Variants in KIF1B observed in about 807,000 individuals in gnomAD.
The protein encoded by KIF1B is kinesin-like protein KIF1B.
A neutral mutation model predicts 241.9 loss-of-function variants in KIF1B; 76 were observed. The observed-to-expected ratio is 0.31, with a 90% CI of 0.26 to 0.38. The LOEUF is 0.38. Among genes scored for constraint, KIF1B ranks in the 10% least tolerant of loss-of-function variants. The probability of loss-of-function intolerance (pLI) is 1.00; values close to 1 mark genes in which losing one functional copy is unlikely to be tolerated. For synonymous variants in KIF1B, 750 were observed against 796.7 expected (o/e 0.94, Z 0.99); for missense variants, 1,622 against 2,271.4 (o/e 0.71, Z 5.81).
intron 22 of KIF1B, among the ~76,000 whole-genome samples, chr1:10,313,469 G>A (rs898130411): frequency 2.0e-5 from 3 of 151,080 alleles, no homozygotes; most frequent in Admixed American, 6.6e-5. Flanking sequence ...GGGTAGATAG[G>A]TAGGAGAGAA....
At chr1:10,239,690 C>T (rs989713151) in intron 2 of KIF1B, among the ~76,000 whole-genome samples, 3 of 152,074 alleles carry the variant, frequency 2.0e-5, no homozygotes, top group African/African-American at 7.2e-5. Flanking sequence ...TCACTGCAAC[C>T]TCTGCCTCCC....
At chr1:10,286,756 C>T (rs540450496) in intron 15 of KIF1B, among the ~76,000 whole-genome samples, 5 of 152,226 alleles carry the variant, frequency 3.3e-5, no homozygotes, top group Non-Finnish European at 5.9e-5. Context: ...ACAGATATGA[C>T]GTGAGACCAA....
At position 10,232,444 on chromosome 1, in the gene KIF1B, T is replaced by A. The variant is rs368714043; in HGVS notation, c.106+10T>A. The A allele has an allele frequency of 3.5e-5, 55 of 1,573,338 alleles. No individual in the cohort carries two copies. The African/African-American group carries it at 7.0e-4, about 20-fold the overall frequency. Reference sequence around the variant, plus strand: ...CAAGGCAACTCGACCAGTGAGTACATGTTGTTTTCTCTCAGCTGTGTATCT... The same window carrying A: ...CAAGGCAACTCGACCAGTGAGTACAAGTTGTTTTCTCTCAGCTGTGTATCT... On this transcript the variant is annotated intron_variant, in intron 2 of 48. Transcript: ENST00000676179.
At chr1:10,248,395 C>A (rs1252598972) in intron 2 of KIF1B, among the ~76,000 whole-genome samples, 1 of 152,038 alleles carries the variant, frequency 6.6e-6, no homozygotes, top group Non-Finnish European at 1.5e-5. Flanking sequence ...GAGATAAGAC[C>A]TCATTATGTT....
intron 44 of KIF1B, among the ~76,000 whole-genome samples, 192 bp from the exon 45 acceptor site, chr1:10,370,949 C>G (rs1638715161): frequency 6.6e-6 from 1 of 152,110 alleles, no homozygotes; most frequent in Admixed American, 6.6e-5. Context: ...GGCAATAGAG[C>G]AAGGCCTTGT....
chr1:10,308,939 T>C (rs1650952890), intron 22 of KIF1B, among the ~76,000 whole-genome samples: 1 of 152,194 alleles, frequency 6.6e-6, no homozygotes, highest in Admixed American at 6.5e-5. Context: ...ATACTCTTGG[T>C]TTGAAGTTCT....
At chr1:10,221,075 G>A (rs1646838954) in intron 1 of KIF1B, among the ~76,000 whole-genome samples, 3 of 146,174 alleles carry the variant, frequency 2.1e-5, no homozygotes, top group South Asian at 4.4e-4. Context: ...CTTGGATTGG[G>A]TTAGAATACA....
At chr1:10,268,300 G>T in intron 7 of KIF1B, 37 bp downstream of exon 7, 2 of 1,375,184 alleles carry the variant, frequency 1.5e-6, no homozygotes, top group Non-Finnish European at 2.1e-6. Flanking sequence ...GAGTTGTGAA[G>T]GATGGAGATT....
chr1:10,244,104 TAA>T (rs1290928221), intron 2 of KIF1B, among the ~76,000 whole-genome samples: 1 of 152,018 alleles, frequency 6.6e-6, no homozygotes, highest in Non-Finnish European at 1.5e-5. Context: ...CCCTGTTTTA[TAA>T]AAAAATGGGA....
At chr1:10,306,642 C>T in intron 22 of KIF1B, 1 of 624,400 alleles carries the variant, frequency 1.6e-6, no homozygotes. Flanking sequence ...GACGGGTGAA[C>T]CCAGCCCAGG....
intron 4 of KIF1B, among the ~76,000 whole-genome samples, chr1:10,260,335 C>T (rs1648059600): frequency 6.6e-6 from 1 of 152,118 alleles, no homozygotes; most frequent in African/African-American, 2.4e-5. Flanking sequence ...GCTTGCAGGG[C>T]TGGAAGTTGC....
intron 5 of KIF1B, among the ~76,000 whole-genome samples, chr1:10,266,365 G>GT (rs1385579274): frequency 6.6e-6 from 1 of 152,210 alleles, no homozygotes; most frequent in African/African-American, 2.4e-5. Context: ...TTAGATACAT[G>GT]TTTAATTGCC....
intron 2 of KIF1B, among the ~76,000 whole-genome samples, chr1:10,244,559 G>A (rs538380001): frequency 9.6e-4 from 145 of 150,846 alleles, no homozygotes; most frequent in Admixed American, 2.4e-3. Context: ...TGATCCGCCC[G>A]CCTCAGCCTC....
At chr1:10,250,680 G>T (rs1647386949) in intron 2 of KIF1B, among the ~76,000 whole-genome samples, 1 of 152,126 alleles carries the variant, frequency 6.6e-6, no homozygotes, top group Non-Finnish European at 1.5e-5. Flanking sequence ...TTAAAATTTG[G>T]CTTGGCATGG....
At chr1:10,292,999 T>C (rs1193575264) in intron 17 of KIF1B, among the ~76,000 whole-genome samples, 1 of 152,226 alleles carries the variant, frequency 6.6e-6, no homozygotes, top group Non-Finnish European at 1.5e-5. Context: ...TGGTGAGTTT[T>C]GAATTGGTAC....
Position 10,324,814 on chromosome 1 carries a change from G to A in KIF1B, c.2594G>A (p.Ser865Asn), listed in dbSNP as rs573774777. The change falls in exon 26 of 49, where the codon AGT becomes AAT. Residue 865 changes from serine (S) to asparagine (N), a missense_variant. By Grantham distance (46) the Ser-to-Asn change is conservative. Around this residue, in one of 7 missense-constraint regions of KIF1B, gnomAD observed 803 missense variants for 1,112.0 expected, o/e 0.72. Coordinates refer to ENST00000676179, the MANE Select transcript of KIF1B (RefSeq NM_001365951.3). ...GATAGGGCAGGGGAGATGGCCTCCA[G>A]TGCCCAAGACGAAAGCGAAACCACT... The part of the protein sequence containing the change: ...MYDRAGEMAS[S>N]AQDESETTVT... 58 of 1,614,078 alleles carry A rather than the reference G, an allele frequency of 3.6e-5. No homozygotes were observed. The South Asian group carries it at 5.6e-4, about 16-fold the overall frequency.
intron 27 of KIF1B, among the ~76,000 whole-genome samples, chr1:10,333,879 A>G (rs1652056853): frequency 6.7e-6 from 1 of 150,366 alleles, no homozygotes; most frequent in South Asian, 2.1e-4. Context: ...TCGCCTGGGC[A>G]CGGTGGCTCA....
At chr1:10,369,409 GC>G (rs1222294285) in intron 44 of KIF1B, among the ~76,000 whole-genome samples, 2 of 151,558 alleles carry the variant, frequency 1.3e-5, no homozygotes, top group Non-Finnish European at 2.9e-5. Context: ...TGAGGGGATC[GC>G]TTGAGGCCAA....
intron 37 of KIF1B, among the ~76,000 whole-genome samples, chr1:10,350,106 T>C (rs1405496418): frequency 2.9e-3 from 367 of 127,780 alleles, no homozygotes; most frequent in Middle Eastern, 0.018. Flanking sequence ...CTGGCCAACA[T>C]GGTGAAACCC....
Sources: gnomAD v4.1 joint callset for allele counts (sites outside exome capture counted in the v4.1 genomes callset) on GRCh38, gnomAD v4.1.1 for gene constraint, gnomAD v4.1.1 regional missense constraint, MANE v1.5 for transcripts, NCBI Gene and HGNC (gene_info 2026-07-23, HGNC 2026-07-21) for gene names.